The following MAGI1 variants were observed in gnomAD, a reference collection of about 807,000 sequenced individuals.
MAGI1 encodes the protein membrane associated guanylate kinase, WW and PDZ domain containing 1.
Under a neutral mutation model 139.9 loss-of-function variants are expected in MAGI1, and 58 were observed. That is an observed-to-expected ratio of 0.41 (90% CI 0.34 to 0.52). The LOEUF (loss-of-function observed/expected upper bound fraction) is 0.52, where lower values mean the gene tolerates loss of function less well. MAGI1 is among the 20% of genes least tolerant of loss of function. MAGI1 has a pLI of 0.12. For synonymous variants in MAGI1, 812 were observed against 737.9 expected (o/e 1.10, Z -1.63); for missense variants, 1,874 against 1,901.6 (o/e 0.99, Z 0.27).
intron 2 of MAGI1, among the ~76,000 whole-genome samples, chr3:65,534,565 T>G (rs1187986044): frequency 1.3e-5 from 2 of 152,170 alleles, no homozygotes; most frequent in Non-Finnish European, 2.9e-5. Context: ...GCCATGTTAC[T>G]TGGGCAAGTG....
At chr3:65,687,059 G>A (rs1418748598) in intron 1 of MAGI1, among the ~76,000 whole-genome samples, 1 of 152,144 alleles carries the variant, frequency 6.6e-6, no homozygotes, top group Non-Finnish European at 1.5e-5. Flanking sequence ...TCAAAACGTG[G>A]TCACGGAAGA....
chr3:65,445,325 A>C (rs976313265), intron 7 of MAGI1, among the ~76,000 whole-genome samples: 2 of 152,204 alleles, frequency 1.3e-5, no homozygotes, highest in African/African-American at 4.8e-5. Flanking sequence ...CACTTAGCAC[A>C]GTTCCTGGCA....
intron 1 of MAGI1, among the ~76,000 whole-genome samples, chr3:65,653,754 T>A (rs1358549003): frequency 1.3e-5 from 2 of 152,174 alleles, no homozygotes; most frequent in African/African-American, 4.8e-5. Context: ...CTAGCAGGGT[T>A]GTGAGTTGGG....
Position 65,849,138 on chromosome 3 carries a change from C to A in MAGI1, c.313+188858G>T, listed in dbSNP as rs1309857953. On this transcript the variant is annotated intron_variant, in intron 1 of 22. Coordinates refer to ENST00000402939, the MANE Select transcript of MAGI1 (RefSeq NM_001033057.2). ...CCCAGGGTTCAAGTGACTCTCCTGC[C>A]TCAGCCTCCCGAGTAGCTGGGATTA... is the stretch of plus-strand genomic sequence containing the variant. Among the ~76,000 whole-genome samples the A allele has an allele frequency of 4.0e-5, 6 of 149,648 alleles. No homozygotes were observed. The South Asian group carries it at 6.4e-4, about 16-fold the overall frequency.
rs576969262 is a variant in MAGI1 at position 65,465,903 on chromosome 3, T to C, written c.959+4380A>G. On this transcript the variant is annotated intron_variant, in intron 5 of 22. Transcript: ENST00000402939. Reference sequence around the variant, plus strand: ...CCAAATGCCCCTGAAGCTCTGTTTGTTGGTTGGTTGGTTTTCTTCCCCCAG... The same window carrying C: ...CCAAATGCCCCTGAAGCTCTGTTTGCTGGTTGGTTGGTTTTCTTCCCCCAG... Among the ~76,000 whole-genome samples, 15 of 152,304 alleles carry C rather than the reference T, an allele frequency of 9.8e-5. No homozygotes were observed. The South Asian group carries it at 2.9e-3, about 29-fold the overall frequency.
At chr3:65,357,273 C>T in intron 22 of MAGI1, 141 bp from the exon 23 acceptor site, 1 of 849,176 alleles carries the variant, frequency 1.2e-6, no homozygotes, top group East Asian at 2.7e-5. Context: ...CCAACTGAAT[C>T]TGTTAACTTA....
chr3:65,875,990 C>T (rs567132610), intron 1 of MAGI1, among the ~76,000 whole-genome samples: 2 of 151,992 alleles, frequency 1.3e-5, no homozygotes, highest in Non-Finnish European at 2.9e-5. Context: ...ACCAAGCATT[C>T]GTTTTTTAAG....
chr3:65,669,845 G>C (rs1394406545), intron 1 of MAGI1, among the ~76,000 whole-genome samples: 2 of 152,178 alleles, frequency 1.3e-5, no homozygotes, highest in Non-Finnish European at 2.9e-5. Flanking sequence ...GATGCCTATG[G>C]TGTTGGTTAT....
intron 2 of MAGI1, among the ~76,000 whole-genome samples, chr3:65,547,344 GTTAAC>G (rs2079553458): frequency 6.6e-6 from 1 of 152,170 alleles, no homozygotes; most frequent in Admixed American, 6.5e-5. Context: ...TGACACTATT[GTTAAC>G]TTCTAAATAC....
At chr3:65,693,435 A>G (rs1295972065) in intron 1 of MAGI1, among the ~76,000 whole-genome samples, 2 of 152,194 alleles carry the variant, frequency 1.3e-5, no homozygotes, top group East Asian at 1.9e-4. Context: ...GTTCCAAGGC[A>G]CCTGGACCAT....
intron 13 of MAGI1, among the ~76,000 whole-genome samples, chr3:65,400,750 A>ATTTTTTTTTTTTTTTTTTT (rs767598706): frequency 1.7e-5 from 1 of 60,574 alleles, no homozygotes; most frequent in African/African-American, 6.7e-5. Context: ...CAAAACATTG[A>ATTTTTTTTTTTTTTTTTTT]TTTTTTTTTT....
At chr3:65,708,766 G>A (rs1295787852) in intron 1 of MAGI1, among the ~76,000 whole-genome samples, 1 of 152,148 alleles carries the variant, frequency 6.6e-6, no homozygotes, top group African/African-American at 2.4e-5. Context: ...TATCTCTTCT[G>A]GTGGCTTCCA....
intron 2 of MAGI1, among the ~76,000 whole-genome samples, chr3:65,529,834 C>T (rs1330657725): frequency 1.3e-5 from 2 of 152,030 alleles, no homozygotes; most frequent in African/African-American, 2.4e-5. Flanking sequence ...CACATATATA[C>T]ATAAATATAA....
At chr3:65,942,184 T>G (rs2063346576) in intron 1 of MAGI1, among the ~76,000 whole-genome samples, 1 of 151,604 alleles carries the variant, frequency 6.6e-6, no homozygotes, top group Non-Finnish European at 1.5e-5. Flanking sequence ...CTGAGAGAAG[T>G]GTTACTTTAA....
At chr3:65,361,813 G>A (rs1362384079) in intron 21 of MAGI1, among the ~76,000 whole-genome samples, 1 of 152,268 alleles carries the variant, frequency 6.6e-6, no homozygotes, top group African/African-American at 2.4e-5. Flanking sequence ...TGCATGTTAT[G>A]AGCTATCCTC....
Position 65,943,883 on chromosome 3 carries a change from T to A in MAGI1, c.313+94113A>T, listed in dbSNP as rs556613672. On this transcript the variant is annotated intron_variant, in intron 1 of 22. Transcript: ENST00000402939. ...TAACAACAGTACAAGTCATTAGATA[T>A]CCTGCAATTAAGAAATATATTCATT... Among the ~76,000 whole-genome samples, 5 of 152,326 alleles carry A rather than the reference T, an allele frequency of 3.3e-5. No homozygotes were observed. In the East Asian group the frequency reaches 9.6e-4, roughly 29 times the overall value.
At chr3:65,743,691 C>T (rs1559840783) in intron 1 of MAGI1, among the ~76,000 whole-genome samples, 3 of 150,062 alleles carry the variant, frequency 2.0e-5, no homozygotes, top group Non-Finnish European at 4.4e-5. Flanking sequence ...GCCTGGGTGA[C>T]AGAGCAAGAC....
chr3:65,521,594 T>C (rs181692460), intron 2 of MAGI1, among the ~76,000 whole-genome samples: 7 of 152,196 alleles, frequency 4.6e-5, no homozygotes, highest in African/African-American at 7.2e-5. Flanking sequence ...TCATGGACAA[T>C]GAAAACTCAC....
chr3:65,380,580 A>G (rs1942963564), intron 16 of MAGI1, among the ~76,000 whole-genome samples: 1 of 152,174 alleles, frequency 6.6e-6, no homozygotes, highest in South Asian at 2.1e-4. Context: ...TACCCTAGGT[A>G]TCTCATATAA....
Sources: gnomAD v4.1 joint callset for allele counts (sites outside exome capture counted in the v4.1 genomes callset) on GRCh38, gnomAD v4.1.1 for gene constraint, MANE v1.5 for transcripts, NCBI Gene and HGNC (gene_info 2026-07-23, HGNC 2026-07-21) for gene names.